Variants in RPLP1 observed in about 807,000 individuals in gnomAD.
The protein encoded by RPLP1 is large ribosomal subunit protein P1.
Under a neutral mutation model 11.6 loss-of-function variants are expected in RPLP1, and 4 were observed. The ratio of observed to expected loss-of-function variants is 0.34; its 90% CI spans 0.17 to 0.79. The LOEUF (loss-of-function observed/expected upper bound fraction) is 0.79. Ranked by LOEUF, RPLP1 falls within the 30% of genes least tolerant of loss-of-function variation. The pLI is 0.55. For missense variants in RPLP1, 133 were observed against 142.8 expected (o/e 0.93, Z 0.35); for synonymous variants, 54 against 52.2 (o/e 1.03, Z -0.15).
At chr15:69,453,416 T>A in intron 1 of RPLP1, 1 of 598,552 alleles carries the variant, frequency 1.7e-6, no homozygotes, top group Non-Finnish European at 2.9e-6. Flanking sequence ...CGGCTCCACC[T>A]CCCAGGTCTT....
At position 69,452,953 on chromosome 15, in the gene RPLP1, C is replaced by T. The variant is rs1337591767; in HGVS notation, c.5C>T (p.Ala2Val). 2.5e-6 allele frequency: 4 copies of T among 1,576,924 alleles called. No individual in the cohort carries two copies. The highest frequency in any genetic ancestry group is 1.4e-5 in the African/African-American group (1 of 73,682). ...AGCCCTACACTCGCCCGCGCCATGG[C>T]CTCTGTCTCCGAGCTCGCCTGCATC... M[A>V]SVSELACIYS... Residue 2 changes from alanine (A) to valine (V), a missense_variant, in exon 1 of 4, where the codon GCC becomes GTC. Coordinates refer to ENST00000260379, the MANE Select transcript of RPLP1 (RefSeq NM_001003.3).
At chr15:69,453,235 A>C (rs1487492209) in intron 1 of RPLP1, 2 of 593,842 alleles carry the variant, frequency 3.4e-6, no homozygotes, top group Admixed American at 6.1e-5. Context: ...GCGGGCATGG[A>C]GTGCGCTTGA....
At chr15:69,453,788 A>G in intron 2 of RPLP1, 67 bp downstream of exon 2, 4 of 1,544,206 alleles carry the variant, frequency 2.6e-6, no homozygotes, top group South Asian at 1.1e-5. Context: ...TGTACATGCT[A>G]AAGTACCCCC....
At position 69,455,979 on chromosome 15, in the gene RPLP1, T is replaced by C. The variant is rs1892430146; in HGVS notation, c.*472T>C. ...CTTAGCTATGTAATGTCTCACCAAA[T>C]GTTTGGGAGTTTTATGGTAACACTG... On this transcript the variant is annotated 3_prime_UTR_variant, in exon 4 of 4. Transcript: ENST00000260379. 6.5e-6 allele frequency: 1 copy of C among 152,978 alleles called. No homozygotes were observed. The highest frequency in any genetic ancestry group is 6.5e-5 in the Admixed American group (1 of 15,342). The allele number at this position is 152,978 out of a possible 1,614,324, so 9.5% of individuals were successfully genotyped here.
chr15:69,453,083 C>T, intron 1 of RPLP1, 63 bp downstream of exon 1: 1 of 1,415,532 alleles, frequency 7.1e-7, no homozygotes, highest in Non-Finnish European at 9.7e-7. Context: ...GCTCTCCATG[C>T]GGTTCCCGGC....
Position 69,452,941 on chromosome 15 carries a change from C to A in RPLP1, c.-8C>A. ...TCCGGCAGCGCCAGCCCTACACTCG[C>A]CCGCGCCATGGCCTCTGTCTCCGAG... On this transcript the variant is annotated 5_prime_UTR_variant, in exon 1 of 4. Coordinates refer to ENST00000260379, the MANE Select transcript of RPLP1 (RefSeq NM_001003.3). 6.4e-7 allele frequency: 1 copy of A among 1,570,526 alleles called. No homozygotes were observed. The highest frequency in any genetic ancestry group is 2.4e-5 in the East Asian group (1 of 41,824).
At position 69,455,208 on chromosome 15, in the gene RPLP1, T is replaced by C. The variant is rs762787969; in HGVS notation, c.186T>C (p.Asn62=). 7.5e-6 allele frequency: 12 copies of C among 1,606,788 alleles called. No individual in the cohort carries two copies. Among genetic ancestry groups the C allele is most frequent in the South Asian group, 5.5e-5 (5 of 90,216 alleles). The change falls in exon 3 of 4, where the codon AAT becomes AAC. Residue 62 remains asparagine (N), a synonymous_variant. Coordinates refer to ENST00000260379, the MANE Select transcript of RPLP1 (RefSeq NM_001003.3). The part of the protein sequence containing the change: ...ANVNIGSLIC[N]VGAGGPAPAA... ...TCAACATTGGGAGCCTCATCTGCAA[T>C]GTAGGGGCCGGTGGACCTGCTCCAG...
chr15:69,454,812 T>C (rs1270606654), intron 2 of RPLP1: 1 of 162,348 alleles, frequency 6.2e-6, no homozygotes, highest in Non-Finnish European at 1.3e-5. Context: ...GATTCAAAGC[T>C]GAACAGTAGT....
At chr15:69,455,095 T>C (rs1892413969) in intron 2 of RPLP1, 75 bp from the exon 3 acceptor site, 1 of 1,499,088 alleles carries the variant, frequency 6.7e-7, no homozygotes, top group Non-Finnish European at 8.9e-7. Context: ...TGGGGGATAC[T>C]TTTCGTTTTT....
rs1386311590 is a variant in RPLP1 at position 69,452,898 on chromosome 15, C to T, written c.-51C>T. The T allele has an allele frequency of 4.6e-6, 7 of 1,519,008 alleles. No individual in the cohort carries two copies. The highest frequency in any genetic ancestry group is 2.1e-4 in the Middle Eastern group (1 of 4,786). The allele number at this position is 1,519,008 out of a possible 1,614,324, so 94.1% of individuals were successfully genotyped here. ...CGTTGGGGTGAGGCCCTCACTTCAT[C>T]CGGCGACTAGCACCGCGTCCGGCAG... is the stretch of plus-strand genomic sequence containing the variant. On this transcript the variant is annotated 5_prime_UTR_variant, in exon 1 of 4. Coordinates refer to ENST00000260379, the MANE Select transcript of RPLP1 (RefSeq NM_001003.3).
intron 3 of RPLP1, 56 bp downstream of exon 3, chr15:69,455,343 A>C: frequency 6.5e-7 from 1 of 1,532,370 alleles, no homozygotes; most frequent in Non-Finnish European, 8.8e-7. Context: ...TTTAAAAAAT[A>C]GTATTATAGA....
Position 69,452,940 on chromosome 15 carries a change from G to C in RPLP1, c.-9G>C. 1 of 1,569,696 alleles carries C rather than the reference G, an allele frequency of 6.4e-7. No homozygotes were observed. Among genetic ancestry groups the C allele is most frequent in the Non-Finnish European group, 8.6e-7 (1 of 1,160,008 alleles). ...GTCCGGCAGCGCCAGCCCTACACTC[G>C]CCCGCGCCATGGCCTCTGTCTCCGA... On this transcript the variant is annotated 5_prime_UTR_variant, in exon 1 of 4. Coordinates refer to ENST00000260379, the MANE Select transcript of RPLP1 (RefSeq NM_001003.3).
intron 2 of RPLP1, 140 bp downstream of exon 2, chr15:69,453,861 C>A: frequency 2.7e-6 from 2 of 733,580 alleles, no homozygotes; most frequent in Non-Finnish European, 4.7e-6. Flanking sequence ...GCATGTATAT[C>A]TCTAGGAGCT....
intron 2 of RPLP1, chr15:69,454,045 T>C (rs568896032): frequency 3.3e-6 from 1 of 303,918 alleles, no homozygotes; most frequent in Non-Finnish European, 6.2e-6. Context: ...TTCTTTTTCT[T>C]TTTTTTTTCT....
chr15:69,454,114 C>T, intron 2 of RPLP1: 1 of 198,114 alleles, frequency 5.0e-6, no homozygotes, highest in South Asian at 6.9e-5. Flanking sequence ...CTGCAAGCTC[C>T]GCCTCCCGGG....
chr15:69,452,945 C>A lies in RPLP1; in HGVS notation c.-4C>A. On this transcript the variant is annotated 5_prime_UTR_variant, in exon 1 of 4. Coordinates refer to ENST00000260379, the MANE Select transcript of RPLP1 (RefSeq NM_001003.3). ...GCAGCGCCAGCCCTACACTCGCCCG[C>A]GCCATGGCCTCTGTCTCCGAGCTCG... 6.4e-7 allele frequency: 1 copy of A among 1,572,518 alleles called. No homozygotes were observed. Among genetic ancestry groups the A allele is most frequent in the East Asian group, 2.4e-5 (1 of 41,918 alleles).
intron 2 of RPLP1, chr15:69,454,410 A>G (rs1892402932): frequency 6.6e-6 from 1 of 152,344 alleles, no homozygotes; most frequent in Non-Finnish European, 1.5e-5. Context: ...CTTCATTGAC[A>G]CAGTAGGTAC....
rs766664754 is a variant in RPLP1 at position 69,452,955 on chromosome 15, T to G, written c.7T>G (p.Ser3Ala). The G allele has an allele frequency of 6.3e-7, 1 of 1,578,184 alleles. No individual in the cohort carries two copies. Among genetic ancestry groups the G allele is most frequent in the Non-Finnish European group, 8.6e-7 (1 of 1,164,396 alleles). Residue 3 changes from serine to alanine, a missense_variant, in exon 1 of 4, where the codon TCT becomes GCT. Transcript: ENST00000260379. Reference sequence around the variant, plus strand: ...CCCTACACTCGCCCGCGCCATGGCCTCTGTCTCCGAGCTCGCCTGCATCTA... The same window carrying G: ...CCCTACACTCGCCCGCGCCATGGCCGCTGTCTCCGAGCTCGCCTGCATCTA... Reference protein sequence around the residue: MASVSELACIYSA... With the variant: MAAVSELACIYSA...
rs1892418112 is a variant in RPLP1 at position 69,455,260 on chromosome 15, C to T, written c.238C>T (p.Pro80Ser). 1 of 1,578,056 alleles carries T rather than the reference C, an allele frequency of 6.3e-7. No homozygotes were observed. The highest frequency in any genetic ancestry group is 1.4e-5 in the African/African-American group (1 of 73,320). Reference protein sequence around the residue: ...PAAGAAPAGGPAPSTAAAPAE... With the variant: ...PAAGAAPAGGSAPSTAAAPAE... ...AGCTGGTGCTGCACCAGCAGGAGGT[C>T]CTGCCCCCTCCACTGCTGCTGCTCC... The change falls in exon 3 of 4, where the codon CCT becomes TCT. Residue 80 changes from proline to serine, a missense_variant. By Grantham distance (74) the Pro-to-Ser change is moderately conservative. Transcript: ENST00000260379.
Sources: allele counts gnomAD v4.1 joint callset, GRCh38; gene constraint gnomAD v4.1.1; transcripts MANE v1.5; gene names NCBI Gene and HGNC (gene_info 2026-07-23, HGNC 2026-07-21).